The following UBR2 variants were observed in gnomAD, a reference collection of about 807,000 sequenced individuals.
UBR2 encodes E3 ubiquitin-protein ligase UBR2.
UBR2 carries 92 observed loss-of-function variants against 247.9 expected under a neutral mutation model. The observed-to-expected ratio is 0.37, with a 90% CI of 0.31 to 0.44. UBR2 has a LOEUF of 0.44. Ranked by LOEUF, UBR2 falls within the 20% of genes least tolerant of loss-of-function variation. UBR2 has a pLI of 1.00. For synonymous variants in UBR2, 672 were observed against 693.5 expected (o/e 0.97, Z 0.49); for missense variants, 1,613 against 2,112.6 (o/e 0.76, Z 4.64).
chr6:42,584,376 T>A (rs1792117639), intron 2 of UBR2, among the ~76,000 whole-genome samples: 1 of 152,256 alleles, frequency 6.6e-6, no homozygotes, highest in African/African-American at 2.4e-5. Context: ...AGTTCATTCA[T>A]TGCTATGTCT....
chr6:42,589,658 G>T (rs944277958), intron 2 of UBR2, among the ~76,000 whole-genome samples: 1 of 152,138 alleles, frequency 6.6e-6, no homozygotes, highest in Non-Finnish European at 1.5e-5. Context: ...AAGGTTATTA[G>T]TTCTTGACTC....
At chr6:42,666,652 A>G (rs964427079) in intron 34 of UBR2, among the ~76,000 whole-genome samples, 1 of 152,008 alleles carries the variant, frequency 6.6e-6, no homozygotes, top group African/African-American at 2.4e-5. Context: ...CTCCTTGACA[A>G]CATCTAATCA....
At chr6:42,680,919 T>C (rs1799002678) in intron 42 of UBR2, among the ~76,000 whole-genome samples, 1 of 151,442 alleles carries the variant, frequency 6.6e-6, no homozygotes, top group Admixed American at 6.6e-5. Flanking sequence ...TCCGCAGCAC[T>C]TTGGGAGGCC....
At chr6:42,676,706 G>C in intron 39 of UBR2, 77 bp from the exon 40 acceptor site, 1 of 1,108,084 alleles carries the variant, frequency 9.0e-7, no homozygotes, top group African/African-American at 1.6e-5. Context: ...GAATATATTT[G>C]CATGCTTAAT....
At position 42,659,695 on chromosome 6, in the gene UBR2, C is replaced by G. The variant is rs373591197; in HGVS notation, c.3282C>G (p.Pro1094=). The G allele has an allele frequency of 2.5e-6, 4 of 1,613,816 alleles. No homozygotes were observed. In the African/African-American group the frequency reaches 5.3e-5, roughly 22 times the overall value. The change falls in exon 30 of 47, where the codon CCC becomes CCG. Residue 1094 remains proline, a synonymous_variant. Coordinates refer to ENST00000372901, the MANE Select transcript of UBR2 (RefSeq NM_001363705.2). This position sits in a 1 kb window ranked among gnomAD's most constrained non-coding sequence, Gnocchi z 4.3. ...ASDMTLTALG[P]AQTQVPEQRQ... is the part of the protein sequence containing the mutation. ...ATATGACACTTACAGCACTGGGCCC[C>G]GCACAAACTCAGGTTCCTGAACAAA...
chr6:42,630,133 C>CAGTAGTAGTAGTAGT (rs79492372), intron 11 of UBR2, among the ~76,000 whole-genome samples: 2 of 149,020 alleles, frequency 1.3e-5, no homozygotes, highest in Admixed American at 1.3e-4. Context: ...GTAGCAGTAG[C>CAGTAGTAGTAGTAGT]AGTAGTAGTA....
At chr6:42,650,233 A>G in intron 22 of UBR2, 51 bp from the exon 23 acceptor site, 1 of 1,439,182 alleles carries the variant, frequency 6.9e-7, no homozygotes, top group Non-Finnish European at 9.7e-7. Context: ...TATCTCTCAT[A>G]AATTAGTGTA....
chr6:42,596,089 T>C (rs1032458761), intron 4 of UBR2, among the ~76,000 whole-genome samples: 2 of 149,704 alleles, frequency 1.3e-5, no homozygotes, highest in African/African-American at 4.9e-5. Flanking sequence ...GGAGAAAGTA[T>C]ATGTGTGTAT....
rs763076397 is a variant in UBR2, at chr6:42,642,423, A to T, written c.2039A>T (p.Tyr680Phe). 3 of 1,603,128 alleles carry T rather than the reference A, an allele frequency of 1.9e-6. No individual in the cohort carries two copies. Among genetic ancestry groups the T allele is most frequent in the Non-Finnish European group, 2.6e-6 (3 of 1,172,242 alleles). Residue 680 changes from tyrosine (Y) to phenylalanine (F), a missense_variant, in exon 18 of 47, where the codon TAC (tyrosine) becomes TTC (phenylalanine). Tyr to Phe is a conservative substitution (Grantham distance 22, BLOSUM62 3). This residue lies in a region of UBR2 where 1,524 missense variants were observed against 1,967.3 expected (regional missense o/e 0.77). Coordinates refer to ENST00000372901, the MANE Select transcript of UBR2 (RefSeq NM_001363705.2). ...AATTACTTTTTTTTTTAGATTTATT[A>T]CTACCATAATGTGAAATGCAGACGT... is the stretch of plus-strand genomic sequence containing the variant. ...NGFSLVNQIY[Y>F]YHNVKCRREM...
rs1478582023 is a variant in UBR2 at position 42,689,158 on chromosome 6, G to T, written c.5025-411G>T. Among the ~76,000 whole-genome samples the T allele has an allele frequency of 6.6e-6, 1 of 152,168 alleles. No homozygotes were observed. The highest frequency in any genetic ancestry group is 2.4e-5 in the African/African-American group (1 of 41,440). ...GTTGTGCACAGGTGAGAGAATCCAG[G>T]GGCCTGCTGTGTGCTGGTGACATCT... On this transcript the variant is annotated intron_variant, in intron 45 of 46. Transcript: ENST00000372901. The surrounding 1 kb of genome is among the most constrained non-coding windows in gnomAD (Gnocchi z 4.0).
chr6:42,677,344 C>T lies in UBR2; in HGVS notation c.4478+471C>T, dbSNP rs566877533. ...CTACAAATAGCAATTCAGTAGTTTG[C>T]TTAGCTTTCAACAGTATATATGTCA... On this transcript the variant is annotated intron_variant, in intron 40 of 46. Coordinates refer to ENST00000372901, the MANE Select transcript of UBR2 (RefSeq NM_001363705.2). Among the ~76,000 whole-genome samples the T allele has an allele frequency of 5.9e-5, 9 of 152,256 alleles. No individual in the cohort carries two copies. The South Asian group carries it at 1.2e-3, about 21-fold the overall frequency.
At chr6:42,591,372 G>A (rs1792649830) in intron 2 of UBR2, among the ~76,000 whole-genome samples, 1 of 152,150 alleles carries the variant, frequency 6.6e-6, no homozygotes, top group African/African-American at 2.4e-5. Flanking sequence ...CCAGGGGCAG[G>A]AACCAATATA....
chr6:42,616,155 A>C (rs1252506041), intron 10 of UBR2, 65 bp downstream of exon 10: 2 of 1,119,674 alleles, frequency 1.8e-6, no homozygotes, highest in Non-Finnish European at 2.5e-6. Flanking sequence ...AATTATATCT[A>C]GGCTTCAAAA....
chr6:42,687,345 G>A (rs1378356542), intron 44 of UBR2, among the ~76,000 whole-genome samples: 2 of 152,154 alleles, frequency 1.3e-5, no homozygotes, highest in Non-Finnish European at 1.5e-5. Flanking sequence ...CCAGTCAGGC[G>A]TGGCGGCGCG....
intron 4 of UBR2, among the ~76,000 whole-genome samples, chr6:42,596,742 T>C (rs992046046): frequency 2.6e-5 from 4 of 152,200 alleles, no homozygotes; most frequent in Non-Finnish European, 5.9e-5. Context: ...AGGTCACATA[T>C]TGTATGATTC....
intron 26 of UBR2, 62 bp from the exon 27 acceptor site, chr6:42,657,962 G>C (rs1032073144): frequency 8.0e-7 from 1 of 1,249,130 alleles, no homozygotes; most frequent in East Asian, 2.3e-5. Flanking sequence ...GTTCCTGTGC[G>C]TAGGAATAAG....
chr6:42,675,821 A>G (rs577178249), intron 38 of UBR2, among the ~76,000 whole-genome samples: 1 of 152,092 alleles, frequency 6.6e-6, no homozygotes, highest in South Asian at 2.1e-4. Flanking sequence ...GTCGGGCATG[A>G]TGTTGCACGC....
intron 5 of UBR2, among the ~76,000 whole-genome samples, chr6:42,605,164 G>A (rs770734435): frequency 3.9e-5 from 6 of 151,992 alleles, no homozygotes; most frequent in Non-Finnish European, 7.4e-5. Flanking sequence ...TGCCACCTTA[G>A]CACCTTTGCT....
Position 42,688,205 on chromosome 6 carries a change from A to G in UBR2, c.4854-11A>G. 1 of 1,613,972 alleles carries G rather than the reference A, an allele frequency of 6.2e-7. No individual in the cohort carries two copies. Among genetic ancestry groups the G allele is most frequent in the Non-Finnish European group, 8.5e-7 (1 of 1,179,974 alleles). Reference sequence around the variant, plus strand: ...TAGATCAATGACTTGTGGGTTTTTTATCCCTTGGAGGTGCCCGAAATCAGG... The same window carrying G: ...TAGATCAATGACTTGTGGGTTTTTTGTCCCTTGGAGGTGCCCGAAATCAGG... On this transcript the variant is annotated splice_polypyrimidine_tract_variant and intron_variant, in intron 44 of 46. Transcript: ENST00000372901.
Sources: gnomAD v4.1 joint callset for allele counts (sites outside exome capture counted in the v4.1 genomes callset) on GRCh38, gnomAD v4.1.1 for gene constraint, gnomAD v4.1.1 regional missense constraint, Gnocchi (gnomAD v3.1) non-coding constraint, MANE v1.5 for transcripts, NCBI Gene and HGNC (gene_info 2026-07-23, HGNC 2026-07-21) for gene names.